The following BTC variants were observed in gnomAD, a reference collection of about 807,000 sequenced individuals.
BTC encodes betacellulin.
Under a neutral mutation model 18.1 loss-of-function variants are expected in BTC, and 13 were observed. The observed-to-expected ratio is 0.72, with a 90% CI of 0.47 to 1.14. The LOEUF (loss-of-function observed/expected upper bound fraction) is 1.14, where lower values mean the gene tolerates loss of function less well. Ranked by LOEUF, BTC falls within the 50% of genes most tolerant of loss-of-function variation. The pLI is 0.00. For synonymous variants in BTC, 83 were observed against 79.4 expected (o/e 1.05, Z -0.24); for missense variants, 247 against 224.2 (o/e 1.10, Z -0.65).
rs782656231 is a variant in BTC, at chr4:74,755,869, G to T, written c.271C>A (p.Pro91Thr). The T allele has an allele frequency of 1.9e-6, 3 of 1,614,072 alleles. No homozygotes were observed. The South Asian group carries it at 3.3e-5, about 18-fold the overall frequency. Reference sequence around the variant, plus strand: ...GGACACTCCACTTACACACAGGAGGGCGTCTGCTCGGCCACCACGAAGCGG... The same window carrying T: ...GGACACTCCACTTACACACAGGAGGTCGTCTGCTCGGCCACCACGAAGCGG... ...RCRFVVAEQT[P>T]SCVCDEGYIG... The change falls in exon 3 of 6, where the codon CCC becomes ACC. Residue 91 changes from proline (P) to threonine (T), a missense_variant. Coordinates refer to ENST00000395743, the MANE Select transcript of BTC (RefSeq NM_001729.4).
intron 2 of BTC, among the ~76,000 whole-genome samples, chr4:74,760,648 A>T (rs1560713410): frequency 6.6e-6 from 1 of 151,964 alleles, no homozygotes; most frequent in Non-Finnish European, 1.5e-5. Context: ...GTTACATCTC[A>T]CAGAGGTACA....
intron 3 of BTC, among the ~76,000 whole-genome samples, chr4:74,754,082 A>G (rs1428747791): frequency 1.3e-5 from 2 of 152,240 alleles, no homozygotes; most frequent in East Asian, 1.9e-4. Flanking sequence ...ATAACTGGCA[A>G]AAGCAAAATC....
chr4:74,765,162 A>C (rs565260206), intron 2 of BTC, among the ~76,000 whole-genome samples: 4 of 151,652 alleles, frequency 2.6e-5, no homozygotes, highest in South Asian at 2.1e-4. Flanking sequence ...AAAAAAAAAA[A>C]CACTAATGAA....
chr4:74,757,506 T>A (rs1213981990), intron 2 of BTC, among the ~76,000 whole-genome samples: 1 of 152,208 alleles, frequency 6.6e-6, no homozygotes, highest in African/African-American at 2.4e-5. Flanking sequence ...CTGCAAAATG[T>A]ATCAAAGGCA....
chr4:74,770,910 C>T (rs1424204041), intron 1 of BTC, among the ~76,000 whole-genome samples: 3 of 135,736 alleles, frequency 2.2e-5, no homozygotes, highest in Non-Finnish European at 3.0e-5. Flanking sequence ...GGGTCTATAT[C>T]GTGTATGTGT....
intron 3 of BTC, among the ~76,000 whole-genome samples, chr4:74,751,293 C>T (rs900061195): frequency 1.3e-5 from 2 of 152,058 alleles, no homozygotes; most frequent in Admixed American, 1.3e-4. Context: ...AAATTCTACC[C>T]GTTGATTCTA....
Sources: allele counts gnomAD v4.1 joint callset (sites outside exome capture counted in the v4.1 genomes callset), GRCh38; gene constraint gnomAD v4.1.1; transcripts MANE v1.5; gene names NCBI Gene and HGNC (gene_info 2026-07-23, HGNC 2026-07-21).